MAN1A2: variants seen among roughly 807,000 people sequenced by gnomAD.
MAN1A2 encodes the protein mannosyl-oligosaccharide 1,2-alpha-mannosidase IB.
MAN1A2 carries 26 observed loss-of-function variants against 75.7 expected under a neutral mutation model. The observed-to-expected ratio is 0.34, with a 90% CI of 0.25 to 0.48. MAN1A2 has a LOEUF of 0.48. Ranked by LOEUF, MAN1A2 falls within the 20% of genes least tolerant of loss-of-function variation. MAN1A2 has a pLI of 0.99. For synonymous variants in MAN1A2, 247 were observed against 264.6 expected, an observed-to-expected ratio of 0.93 and a Z score of 0.65; for missense variants, 562 against 775.5, an observed-to-expected ratio of 0.72 and a Z score of 3.27.
chr1:117,522,440 G>A (rs1313251808), intron 12 of MAN1A2, among the ~76,000 whole-genome samples: 24 of 151,758 alleles, frequency 1.6e-4, no homozygotes, highest in Admixed American at 1.5e-3. Flanking sequence ...AGCAAACTGG[G>A]AATAGAAGGA....
chr1:117,406,552 A>G (rs1184829317), intron 3 of MAN1A2, among the ~76,000 whole-genome samples: 7 of 152,102 alleles, frequency 4.6e-5, no homozygotes. Context: ...GCTTTTGATC[A>G]AAAAAGAAAA....
intron 2 of MAN1A2, 76 bp downstream of exon 2, chr1:117,402,517 G>A: frequency 7.2e-7 from 1 of 1,381,880 alleles, no homozygotes. Context: ...ATAATCTATG[G>A]TATCCTGTTT....
At chr1:117,404,739 C>T (rs999224058) in intron 2 of MAN1A2, among the ~76,000 whole-genome samples, 2 of 152,100 alleles carry the variant, frequency 1.3e-5, no homozygotes, top group Non-Finnish European at 2.9e-5. Flanking sequence ...GGGCCAAATT[C>T]TGCTTGCTGT....
rs369764274 is a variant in MAN1A2 at position 117,525,338 on chromosome 1, G to C, written c.*2381G>C. 4.4e-6 allele frequency: 1 copy of C among 225,376 alleles called. No individual in the cohort carries two copies. Among genetic ancestry groups the C allele is most frequent in the African/African-American group, 2.3e-5 (1 of 44,194 alleles). The allele number at this position is 225,376 out of a possible 1,614,324, so 14.0% of individuals were successfully genotyped here. ...CTCCTGAATACCAAAGGCAATTAAA[G>C]TCAGCTACAAATGACTTGCCAGTGT... On this transcript the variant is annotated 3_prime_UTR_variant, in exon 13 of 13. Coordinates refer to ENST00000356554, the MANE Select transcript of MAN1A2 (RefSeq NM_006699.5).
intron 2 of MAN1A2, among the ~76,000 whole-genome samples, chr1:117,402,776 G>T (rs975713853): frequency 6.6e-6 from 1 of 151,906 alleles, no homozygotes; most frequent in African/African-American, 2.4e-5. Flanking sequence ...TAAATGTTCA[G>T]TTACAAAGGG....
At chr1:117,497,333 T>G (rs935705371) in intron 10 of MAN1A2, among the ~76,000 whole-genome samples, 1 of 152,016 alleles carries the variant, frequency 6.6e-6, no homozygotes, top group African/African-American at 2.4e-5. Flanking sequence ...TAAAATTGAC[T>G]GACTTCAGTT....
At position 117,368,091 on chromosome 1, in the gene MAN1A2, C is replaced by T. The variant is rs1470752662; in HGVS notation, c.-93C>T. The T allele has an allele frequency of 1.9e-5, 24 of 1,296,978 alleles. No individual in the cohort carries two copies. Among genetic ancestry groups the T allele is most frequent in the Middle Eastern group, 2.8e-4 (1 of 3,606 alleles). The allele number at this position is 1,296,978 out of a possible 1,614,324, so 80.3% of individuals were successfully genotyped here. ...TAAGAGGAGCAAAATTGAGTTTTCCCATTTTGGCCAAGATTTTGAAGACAG... is the reference window on the plus strand; with the variant it reads ...TAAGAGGAGCAAAATTGAGTTTTCCTATTTTGGCCAAGATTTTGAAGACAG... On this transcript the variant is annotated 5_prime_UTR_variant, in exon 1 of 13. Coordinates refer to ENST00000356554, the MANE Select transcript of MAN1A2 (RefSeq NM_006699.5).
At position 117,414,763 on chromosome 1, in the gene MAN1A2, A is replaced by G; in HGVS notation, c.706A>G (p.Ile236Val). 1.2e-6 allele frequency: 2 copies of G among 1,611,114 alleles called. No individual in the cohort carries two copies. The highest frequency in any genetic ancestry group is 8.5e-7 in the Non-Finnish European group (1 of 1,177,904). ...TIVDALDTLY[I>V]MGLHDEFLDG... Reference sequence around the variant, plus strand: ...AGTAGATGCTTTGGATACCCTTTATATCATGGGACTTCATGATGAATTCCT... The same window carrying G: ...AGTAGATGCTTTGGATACCCTTTATGTCATGGGACTTCATGATGAATTCCT... Residue 236 changes from isoleucine to valine, a missense_variant, in exon 4 of 13, where the codon ATC (isoleucine) becomes GTC (valine). By Grantham distance (29) the Ile-to-Val change is conservative (BLOSUM62 3). Transcript: ENST00000356554.
chr1:117,515,961 A>G (rs1651702589), intron 12 of MAN1A2: 1 of 152,086 alleles, frequency 6.6e-6, no homozygotes, highest in Admixed American at 6.6e-5. Flanking sequence ...AAGGAAAGCA[A>G]TGGCATGCTA....
chr1:117,504,664 T>C (rs1156693890), intron 12 of MAN1A2, among the ~76,000 whole-genome samples: 2 of 151,476 alleles, frequency 1.3e-5, no homozygotes, highest in Non-Finnish European at 3.0e-5. Context: ...TTAATGCCAA[T>C]TCAGGATCCA....
rs765549321 is a variant in MAN1A2, at chr1:117,522,848, G to T, written c.1817G>T (p.Gly606Val). Reference sequence around the variant, plus strand: ...AGATATTTGTATCTGCTGTTCTCCGGTGATGACCTTTTACCTTTAGACCAC... The same window carrying T: ...AGATATTTGTATCTGCTGTTCTCCGTTGATGACCTTTTACCTTTAGACCAC... ...TLKYLYLLFSGDDLLPLDHWV... is the reference protein window; with the variant it reads ...TLKYLYLLFSVDDLLPLDHWV... Residue 606 changes from glycine to valine, a missense_variant, in exon 13 of 13, where the codon GGT (glycine) becomes GTT (valine). By Grantham distance (109) the Gly-to-Val change is moderately radical. Transcript: ENST00000356554. 6.2e-7 allele frequency: 1 copy of T among 1,611,156 alleles called. No homozygotes were observed. The highest frequency in any genetic ancestry group is 8.5e-7 in the Non-Finnish European group (1 of 1,178,238).
At chr1:117,421,833 T>C (rs142408176) in intron 5 of MAN1A2, among the ~76,000 whole-genome samples, 34 of 152,230 alleles carry the variant, frequency 2.2e-4, no homozygotes, top group African/African-American at 7.9e-4. Flanking sequence ...TATCAAACTT[T>C]AGTATGTATT....
chr1:117,452,087 A>C (rs531697570), intron 6 of MAN1A2, among the ~76,000 whole-genome samples: 38 of 152,240 alleles, frequency 2.5e-4, no homozygotes, highest in Non-Finnish European at 4.9e-4. Context: ...AAGGTGGATC[A>C]GCTGAGGTCA....
intron 6 of MAN1A2, among the ~76,000 whole-genome samples, chr1:117,452,288 CAA>C (rs1649445171): frequency 1.4e-5 from 2 of 144,246 alleles, no homozygotes; most frequent in African/African-American, 5.2e-5. Context: ...GCCTGGGTGA[CAA>C]GAGCAAGACT....
intron 1 of MAN1A2, among the ~76,000 whole-genome samples, chr1:117,400,614 C>G (rs1570712903): frequency 6.6e-6 from 1 of 151,900 alleles, no homozygotes; most frequent in Admixed American, 6.6e-5. Flanking sequence ...TAGTATATAA[C>G]CTTTTGAAAT....
chr1:117,468,006 T>C (rs1650032929), intron 8 of MAN1A2, among the ~76,000 whole-genome samples: 1 of 152,136 alleles, frequency 6.6e-6, no homozygotes, highest in Non-Finnish European at 1.5e-5. Flanking sequence ...AAAAAAGATG[T>C]CAGTTTTCCT....
intron 8 of MAN1A2, among the ~76,000 whole-genome samples, chr1:117,485,373 T>C (rs1402962699): frequency 6.6e-6 from 1 of 152,004 alleles, no homozygotes; most frequent in African/African-American, 2.4e-5. Flanking sequence ...CCATTCATCT[T>C]TCTTGAGACC....
rs564314763 is a variant in MAN1A2 at position 117,427,583 on chromosome 1, C to G, written c.855+6934C>G. ...TAAAAAATAGTTGAAGAAATAATGA[C>G]TATATTTTTTCTATATTTGGTGATG... On this transcript the variant is annotated intron_variant, in intron 5 of 12. Coordinates refer to ENST00000356554, the MANE Select transcript of MAN1A2 (RefSeq NM_006699.5). Among the ~76,000 whole-genome samples the G allele has an allele frequency of 2.8e-4, 43 of 152,230 alleles. 1 individual carries two copies. The South Asian group carries it at 6.4e-3, about 23-fold the overall frequency.
chr1:117,439,041 GT>G (rs1648939930), intron 5 of MAN1A2, among the ~76,000 whole-genome samples: 1 of 152,232 alleles, frequency 6.6e-6, no homozygotes, highest in Non-Finnish European at 1.5e-5. Context: ...AAGGAGATTA[GT>G]GGGTGAGGAT....
Sources: allele counts gnomAD v4.1 joint callset (sites outside exome capture counted in the v4.1 genomes callset), GRCh38; gene constraint gnomAD v4.1.1; transcripts MANE v1.5; gene names NCBI Gene and HGNC (gene_info 2026-07-23, HGNC 2026-07-21).